Variants in KANSL1L observed in about 807,000 individuals in gnomAD.
KANSL1L encodes KAT8 regulatory NSL complex subunit 1 like.
In KANSL1L, 25 loss-of-function variants were observed where a neutral mutation model predicts 108.6. The ratio of observed to expected loss-of-function variants is 0.23; its 90% CI spans 0.17 to 0.32. The LOEUF (loss-of-function observed/expected upper bound fraction) is 0.32, where lower values mean the gene tolerates loss of function less well. KANSL1L is among the 10% of genes least tolerant of loss of function. The pLI is 1.00. For missense variants in KANSL1L, 1,137 were observed against 1,125.7 expected, an observed-to-expected ratio of 1.01 and a Z score of -0.14; for synonymous variants, 405 against 395.1, an observed-to-expected ratio of 1.03 and a Z score of -0.30.
chr2:210,045,356 T>C (rs1365408150), intron 6 of KANSL1L, among the ~76,000 whole-genome samples: 1 of 152,208 alleles, frequency 6.6e-6, no homozygotes, highest in East Asian at 1.9e-4. Context: ...AGCTGGCCTT[T>C]ACAGTATAAT....
chr2:210,110,946 C>A (rs1395115330), intron 3 of KANSL1L, among the ~76,000 whole-genome samples: 3 of 151,714 alleles, frequency 2.0e-5, no homozygotes, highest in Non-Finnish European at 4.4e-5. Context: ...ACCCCAAACC[C>A]ACCAAAAATA....
chr2:210,031,270 G>A (rs2094012071), intron 9 of KANSL1L, 151 bp downstream of exon 9: 1 of 564,274 alleles, frequency 1.8e-6, no homozygotes, highest in Non-Finnish European at 3.1e-6. Context: ...AATTAACTAC[G>A]AATATGCTGT....
intron 6 of KANSL1L, among the ~76,000 whole-genome samples, chr2:210,056,534 G>A (rs183258466): frequency 3.3e-5 from 5 of 152,272 alleles, no homozygotes; most frequent in African/African-American, 1.2e-4. Flanking sequence ...AGGCTGGAGT[G>A]CAGTGGTATG....
At chr2:210,095,851 C>A (rs2094730943) in intron 5 of KANSL1L, among the ~76,000 whole-genome samples, 1 of 151,966 alleles carries the variant, frequency 6.6e-6, no homozygotes, top group Non-Finnish European at 1.5e-5. Flanking sequence ...ACCTTTCCTT[C>A]AAGGAAAATA....
intron 11 of KANSL1L, among the ~76,000 whole-genome samples, chr2:210,027,627 G>T (rs73063919): frequency 1.3e-5 from 2 of 152,220 alleles, no homozygotes; most frequent in African/African-American, 2.4e-5. Context: ...TCAGTGGTAC[G>T]CTGATAAACT....
intron 14 of KANSL1L, 88 bp downstream of exon 14, chr2:210,023,945 A>T (rs2093897835): frequency 1.1e-6 from 1 of 883,970 alleles, no homozygotes; most frequent in African/African-American, 1.7e-5. Flanking sequence ...GTAATGATGT[A>T]ATAAACTTAA....
chr2:210,142,096 T>A (rs1436326828), intron 2 of KANSL1L, among the ~76,000 whole-genome samples: 1 of 151,452 alleles, frequency 6.6e-6, no homozygotes, highest in African/African-American at 2.4e-5. Flanking sequence ...CCTCTTCAAT[T>A]TTTTTTTTAA....
intron 3 of KANSL1L, among the ~76,000 whole-genome samples, chr2:210,115,501 C>G (rs1559569656): frequency 6.6e-6 from 1 of 152,068 alleles, no homozygotes; most frequent in South Asian, 2.1e-4. Flanking sequence ...AGCAAAAATT[C>G]TTGAGTTTGT....
chr2:210,065,418 AAGGTTCTCAC>A (rs2094458733), intron 6 of KANSL1L, among the ~76,000 whole-genome samples: 1 of 151,752 alleles, frequency 6.6e-6, no homozygotes, highest in East Asian at 1.9e-4. Context: ...CACACACCAA[AAGGTTCTCAC>A]AGTTAGACAT....
At chr2:210,048,615 GATTT>G (rs907965115) in intron 6 of KANSL1L, among the ~76,000 whole-genome samples, 8 of 151,882 alleles carry the variant, frequency 5.3e-5, no homozygotes, top group South Asian at 2.1e-4. Context: ...ATTTTAGAGA[GATTT>G]ATTTTGTATA....
chr2:210,027,262 G>A (rs777626427), intron 12 of KANSL1L, 34 bp downstream of exon 12: 2 of 1,390,158 alleles, frequency 1.4e-6, no homozygotes, highest in Admixed American at 3.4e-5. Context: ...AATACATAAT[G>A]TGCAATTATC....
At chr2:210,084,341 G>C (rs191111382) in intron 5 of KANSL1L, among the ~76,000 whole-genome samples, 82 of 152,138 alleles carry the variant, frequency 5.4e-4, no homozygotes, top group African/African-American at 1.8e-3. Flanking sequence ...AAAATCGCTT[G>C]AACCCAGGAA....
chr2:210,072,266 T>C (rs1004627107), intron 6 of KANSL1L, among the ~76,000 whole-genome samples: 10 of 152,242 alleles, frequency 6.6e-5, no homozygotes, highest in Non-Finnish European at 1.2e-4. Context: ...ATACTGTATG[T>C]CTGATTTTGG....
At chr2:210,113,938 G>A (rs2094931350) in intron 3 of KANSL1L, among the ~76,000 whole-genome samples, 1 of 152,162 alleles carries the variant, frequency 6.6e-6, no homozygotes, top group Non-Finnish European at 1.5e-5. Context: ...TAAGGGACAC[G>A]TGGAACACTA....
At chr2:210,092,590 A>G (rs1160101836) in intron 5 of KANSL1L, among the ~76,000 whole-genome samples, 1 of 152,172 alleles carries the variant, frequency 6.6e-6, no homozygotes, top group African/African-American at 2.4e-5. Flanking sequence ...CTACCATTTT[A>G]AAGTCATCAG....
chr2:210,158,387 C>A (rs2095344832), intron 1 of KANSL1L, among the ~76,000 whole-genome samples: 1 of 152,106 alleles, frequency 6.6e-6, no homozygotes, highest in South Asian at 2.1e-4. Flanking sequence ...AGAAACAGAT[C>A]CTTCCCAGTA....
intron 4 of KANSL1L, among the ~76,000 whole-genome samples, chr2:210,100,895 C>T (rs1236510409): frequency 6.6e-6 from 1 of 152,170 alleles, no homozygotes; most frequent in East Asian, 1.9e-4. Flanking sequence ...ACCTTGGTCT[C>T]CCAAAGTGCT....
intron 8 of KANSL1L, among the ~76,000 whole-genome samples, chr2:210,038,152 T>C (rs964750671): frequency 1.3e-5 from 2 of 152,078 alleles, no homozygotes; most frequent in African/African-American, 4.8e-5. Context: ...TTGTTGCTAA[T>C]TTTTCATTAT....
intron 3 of KANSL1L, among the ~76,000 whole-genome samples, chr2:210,113,220 C>T (rs1338825388): frequency 2.0e-5 from 3 of 152,078 alleles, no homozygotes; most frequent in African/African-American, 7.2e-5. Flanking sequence ...AAAAAAAAAT[C>T]CTCTCTTCAT....
Sources: allele counts gnomAD v4.1 joint callset (sites outside exome capture counted in the v4.1 genomes callset), GRCh38; gene constraint gnomAD v4.1.1; transcripts MANE v1.5; gene names NCBI Gene and HGNC (gene_info 2026-07-23, HGNC 2026-07-21).